Variants in HDLBP observed in about 807,000 individuals in gnomAD.
HDLBP encodes high density lipoprotein binding protein.
HDLBP carries 30 observed loss-of-function variants against 137.3 expected under a neutral mutation model. That is an observed-to-expected ratio of 0.22 (90% CI 0.16 to 0.30). The LOEUF is 0.30. Among genes scored for constraint, HDLBP ranks in the 10% least tolerant of loss-of-function variants. The probability of loss-of-function intolerance (pLI) is 1.00; values close to 1 mark genes in which losing one functional copy is unlikely to be tolerated. For synonymous variants in HDLBP, 606 were observed against 596.0 expected (o/e 1.02, Z -0.24); for missense variants, 1,119 against 1,667.3 (o/e 0.67, Z 5.73).
At chr2:241,232,600 T>C (rs1259845821) in intron 24 of HDLBP, among the ~76,000 whole-genome samples, 2 of 152,058 alleles carry the variant, frequency 1.3e-5, no homozygotes, top group African/African-American at 4.8e-5. Context: ...AGATTGATAA[T>C]TATATAGAAT....
In HDLBP at chr2:241,242,676, G is replaced by A. The variant is rs754451693; in HGVS notation, c.1953C>T (p.Ala651=). ...TGGAGACCTCTACCTCGGCTATGTT[G>A]GCCTGAAACCAAACACAGGGCAGGA... ...SRILSIQKDL[A]NIAEVEVSIP... is the part of the protein sequence containing the mutation. Residue 651 remains alanine (A), a splice_region_variant and synonymous_variant, in exon 17 of 28, where the codon GCC becomes GCT. Coordinates refer to ENST00000310931, the MANE Select transcript of HDLBP (RefSeq NM_005336.6). The A allele has an allele frequency of 1.2e-6, 2 of 1,612,988 alleles. No individual in the cohort carries two copies. Among genetic ancestry groups the A allele is most frequent in the East Asian group, 4.5e-5 (2 of 44,868 alleles).
rs369014439 is a variant in HDLBP, at chr2:241,264,596, A to G, written c.86T>C (p.Leu29Pro). The change falls in exon 4 of 28, where the codon CTA (leucine) becomes CCA (proline). Residue 29 changes from leucine (L) to proline (P), a missense_variant. Transcript: ENST00000310931. ...LVPQQIKVATLNSEEESDPPT... is the reference protein window; with the variant it reads ...LVPQQIKVATPNSEEESDPPT... The stretch of plus-strand genomic sequence containing the variant: ...AGGGTCGCTCTCCTCTTCTGAATTT[A>G]GAGTGGCAACTGGACCAGCCAACAC... 5.0e-6 allele frequency: 8 copies of G among 1,613,742 alleles called. No homozygotes were observed. The highest frequency in any genetic ancestry group is 5.9e-6 in the Non-Finnish European group (7 of 1,179,902).
chr2:241,299,083 C>G (rs1032121758), intron 1 of HDLBP, among the ~76,000 whole-genome samples: 3 of 152,148 alleles, frequency 2.0e-5, no homozygotes, highest in African/African-American at 7.2e-5. Context: ...ACCAAAATAT[C>G]CCAGGGTGAG....
At position 241,227,613 on chromosome 2, in the gene HDLBP, G is replaced by C. The variant is rs1009149584; in HGVS notation, c.*1988C>G. On this transcript the variant is annotated 3_prime_UTR_variant, in exon 28 of 28. Transcript: ENST00000310931. ...CTGAACAGTTTAGGAAAGGGCTCGC[G>C]TCTAAGACATCAAGCGACATACAGA... The C allele has an allele frequency of 6.6e-6, 1 of 152,622 alleles. No individual in the cohort carries two copies. Among genetic ancestry groups the C allele is most frequent in the African/African-American group, 2.4e-5 (1 of 41,432 alleles). 9.5% of individuals were successfully genotyped at this position (152,622 alleles called of 1,614,324 possible).
intron 1 of HDLBP, among the ~76,000 whole-genome samples, chr2:241,297,676 C>T (rs1421228128): frequency 2.0e-5 from 3 of 152,000 alleles, no homozygotes; most frequent in Non-Finnish European, 2.9e-5. Context: ...AAGGCAGAAT[C>T]CAGGTCTGGG....
Position 241,272,470 on chromosome 2 carries a change from C to G in HDLBP, c.-102-3929G>C, listed in dbSNP as rs1276060918. On this transcript the variant is annotated intron_variant, in intron 1 of 27. Transcript: ENST00000310931. This position sits in a 1 kb window ranked among gnomAD's most constrained non-coding sequence, Gnocchi z 5.6. ...GCCCAGCTTGCAGCCAAGAGCGGCC[C>G]AGCGGCGCCACCGGACTTGAGAAAG... 2 of 984,484 alleles carry G rather than the reference C, an allele frequency of 2.0e-6. No homozygotes were observed. Among genetic ancestry groups the G allele is most frequent in the Non-Finnish European group, 2.4e-6 (2 of 829,656 alleles). 61.0% of individuals were successfully genotyped at this position (984,484 alleles called of 1,614,324 possible).
Position 241,255,727 on chromosome 2 carries a change from G to A in HDLBP, c.874-147C>T, listed in dbSNP as rs370322834. 6.1e-6 allele frequency: 4 copies of A among 653,556 alleles called. No individual in the cohort carries two copies. In the African/African-American group the frequency reaches 7.3e-5, roughly 12 times the overall value. 40.5% of individuals were successfully genotyped at this position (653,556 alleles called of 1,614,324 possible). On this transcript the variant is annotated intron_variant, in intron 7 of 27. Transcript: ENST00000310931. ...AGTGAACAACAAGTGATCAGGACTAGCCAATCCCCAGAAACTTCACTGTTC... is the reference window on the plus strand; with the variant it reads ...AGTGAACAACAAGTGATCAGGACTAACCAATCCCCAGAAACTTCACTGTTC...
rs903782757 is a variant in HDLBP at position 241,234,197 on chromosome 2, A to G, written c.3145-234T>C. 4.3e-4 allele frequency among the ~76,000 whole-genome samples: 66 copies of G among 152,204 alleles called. 4 individuals are homozygous for G. The highest frequency in any genetic ancestry group is 4.4e-5 in the Non-Finnish European group (3 of 68,022). On this transcript the variant is annotated intron_variant, in intron 23 of 27. Transcript: ENST00000310931. ...AGGAGGTCTATAAATCCTTCAAAAG[A>G]GGGCTTGGGACCACTTGCGAGGATC...
At chr2:241,282,384 T>C (rs918436674) in intron 1 of HDLBP, among the ~76,000 whole-genome samples, 41 of 152,202 alleles carry the variant, frequency 2.7e-4, no homozygotes, top group African/African-American at 9.6e-4. Flanking sequence ...GGAGGAATAA[T>C]TGGTGTGGTC....
intron 20 of HDLBP, 71 bp from the exon 21 acceptor site, chr2:241,236,840 A>G: frequency 6.6e-7 from 1 of 1,520,552 alleles, no homozygotes; most frequent in Non-Finnish European, 9.0e-7. Flanking sequence ...CAGAATGCAT[A>G]TGTCTGTGAG....
intron 1 of HDLBP, among the ~76,000 whole-genome samples, chr2:241,297,168 C>G (rs904508784): frequency 4.6e-5 from 7 of 152,290 alleles, no homozygotes; most frequent in African/African-American, 1.7e-4. Context: ...ATCTACATAG[C>G]TAGGGTATCA....
rs766940205 is a variant in HDLBP at position 241,239,946 on chromosome 2, G to A, written c.2346C>T (p.Ala782=). ...DLITIIGKED[A]VREAQKELEA... ...CCAGCTCCTTCTGTGCCTCTCGGAC[G>A]GCGTCCTCCTTTCCAATGATGGTGA... Residue 782 remains alanine (A), a synonymous_variant, in exon 18 of 28, where the codon GCC becomes GCT. Coordinates refer to ENST00000310931, the MANE Select transcript of HDLBP (RefSeq NM_005336.6). This position sits in a 1 kb window ranked among gnomAD's most constrained non-coding sequence, Gnocchi z 4.6. 33 of 1,614,052 alleles carry A rather than the reference G, an allele frequency of 2.0e-5. No homozygotes were observed. Among genetic ancestry groups the A allele is most frequent in the South Asian group, 9.9e-5 (9 of 91,084 alleles).
chr2:241,238,402 G>A lies in HDLBP; in HGVS notation c.2749+247C>T, dbSNP rs369010634. ...AGGATGAGGCTGCACGCTCCTCATC[G>A]CCTTGGGACTGGCTACCTTGTGTGT... On this transcript the variant is annotated intron_variant, in intron 20 of 27. Coordinates refer to ENST00000310931, the MANE Select transcript of HDLBP (RefSeq NM_005336.6). The surrounding 1 kb of genome is among the most constrained non-coding windows in gnomAD (Gnocchi z 4.9). The A allele has an allele frequency of 8.9e-6, 3 of 336,252 alleles. No homozygotes were observed. The highest frequency in any genetic ancestry group is 1.6e-5 in the Non-Finnish European group (3 of 185,806). 20.8% of individuals were successfully genotyped at this position (336,252 alleles called of 1,614,324 possible).
At chr2:241,290,592 A>G (rs1281347878) in intron 1 of HDLBP, among the ~76,000 whole-genome samples, 1 of 150,296 alleles carries the variant, frequency 6.7e-6, no homozygotes, top group African/African-American at 2.4e-5. Context: ...CCTGGGCAAC[A>G]AGAACAAAAC....
At chr2:241,241,913 T>C (rs2071276081) in intron 17 of HDLBP, among the ~76,000 whole-genome samples, 1 of 152,148 alleles carries the variant, frequency 6.6e-6, no homozygotes, top group Middle Eastern at 3.2e-3. Context: ...ACAATCCCAA[T>C]CAAAACGTGA....
At chr2:241,251,926 G>A (rs1264360579) in intron 11 of HDLBP, among the ~76,000 whole-genome samples, 1 of 152,148 alleles carries the variant, frequency 6.6e-6, no homozygotes, top group Non-Finnish European at 1.5e-5. Flanking sequence ...GCAGTGAACT[G>A]AGATCACGCC....
intron 16 of HDLBP, 54 bp from the exon 17 acceptor site, chr2:241,242,732 G>A: frequency 1.4e-6 from 2 of 1,432,032 alleles, no homozygotes; most frequent in Non-Finnish European, 1.9e-6. Flanking sequence ...GGCAAAAAGG[G>A]CAGAGGAAAA....
rs115551400 is a variant in HDLBP at position 241,305,031 on chromosome 2, T to C, written c.-103+10539A>G. Among the ~76,000 whole-genome samples the C allele has an allele frequency of 6.1e-3, 935 of 152,364 alleles. 5 individuals are homozygous for C. Among genetic ancestry groups the C allele is most frequent in the African/African-American group, 0.021 (894 of 41,584 alleles). On this transcript the variant is annotated intron_variant, in intron 1 of 27. Transcript: ENST00000310931. ...ACACAATAAACCGGTGTGGTGTTTT[T>C]TATTACTATTATCATCTGTGAGGAC...
At chr2:241,245,353 CT>C (rs1218483573) in intron 16 of HDLBP, among the ~76,000 whole-genome samples, 2 of 152,018 alleles carry the variant, frequency 1.3e-5, no homozygotes, top group Non-Finnish European at 2.9e-5. Context: ...CTGGCTAATT[CT>C]TTTTGTAGTT....
Sources: gnomAD v4.1 joint callset for allele counts (sites outside exome capture counted in the v4.1 genomes callset) on GRCh38, gnomAD v4.1.1 for gene constraint, Gnocchi (gnomAD v3.1) non-coding constraint, MANE v1.5 for transcripts, NCBI Gene and HGNC (gene_info 2026-07-23, HGNC 2026-07-21) for gene names.